Variants in CPSF1 observed in about 807,000 individuals in gnomAD.
The protein encoded by CPSF1 is cleavage and polyadenylation specificity factor subunit 1.
Under a neutral mutation model 175.8 loss-of-function variants are expected in CPSF1, and 106 were observed. The ratio of observed to expected loss-of-function variants is 0.60; its 90% CI spans 0.52 to 0.71. CPSF1 has a LOEUF of 0.71. CPSF1 is among the 30% of genes least tolerant of loss of function. The pLI is 0.00. For missense variants in CPSF1, 1,734 were observed against 2,022.9 expected (o/e 0.86, Z 2.74); for synonymous variants, 1,024 against 858.3 (o/e 1.19, Z -3.37).
chr8:144,409,296 T>C lies in CPSF1; in HGVS notation c.-22A>G. On this transcript the variant is annotated 5_prime_UTR_variant, in exon 1 of 38. Transcript: ENST00000616140. ...GCCCGCCCGGCCGCCCACCTGGCAGTTGGAGCCGACTCGAGAGGAACCGGG... is the reference window on the plus strand; with the variant it reads ...GCCCGCCCGGCCGCCCACCTGGCAGCTGGAGCCGACTCGAGAGGAACCGGG... 1 of 742,074 alleles carries C rather than the reference T, an allele frequency of 1.3e-6. No individual in the cohort carries two copies. 46.0% of individuals were successfully genotyped at this position (742,074 alleles called of 1,614,324 possible). A position where few individuals can be genotyped will look rare whatever the true frequency, so the allele number is the denominator to read the frequency against.
At chr8:144,400,127 G>A (rs2116870628) in intron 9 of CPSF1, 39 bp downstream of exon 9, 21 of 1,164,228 alleles carry the variant, frequency 1.8e-5, no homozygotes, top group Middle Eastern at 3.1e-4. Context: ...GGCCCAAGCC[G>A]TCCCCGGGCC....
At chr8:144,396,158 C>A in intron 26 of CPSF1, 190 bp downstream of exon 26, 1 of 640,170 alleles carries the variant, frequency 1.6e-6, no homozygotes, top group East Asian at 2.8e-5. Flanking sequence ...CAGCTCCCAA[C>A]CACCCCTTTC....
chr8:144,400,135 G>GGGGGGCCCCCCCCCCCCCCCCCCCC, intron 9 of CPSF1, 31 bp downstream of exon 9: 13 of 895,992 alleles, frequency 1.5e-5, no homozygotes, highest in East Asian at 2.9e-5. Context: ...CCGTCCCCGG[G>GGGGGGCCCCCCCCCCCCCCCCCCCC]CCCCCCCCGC....
Position 144,399,493 on chromosome 8 carries a change from G to A in CPSF1, c.1253C>T (p.Pro418Leu), listed in dbSNP as rs138429236. ...CGCATCCACTCGCTTCTTCTTTGAG[G>A]GAGGCTCTTCCTGTGAGGCAGGAGG... is the stretch of plus-strand genomic sequence containing the variant. ...VREAADKEEP[P>L]SKKKRVDATA... is the part of the protein sequence containing the mutation. Residue 418 changes from proline (P) to leucine (L), a missense_variant, in exon 13 of 38, where the codon CCC becomes CTC. Physicochemically the swap from Pro to Leu is moderately conservative, Grantham distance 98. Coordinates refer to ENST00000616140, the MANE Select transcript of CPSF1 (RefSeq NM_013291.3). This position sits in a 1 kb window ranked among gnomAD's most constrained non-coding sequence, Gnocchi z 6.4. 3.3e-5 allele frequency: 54 copies of A among 1,612,860 alleles called. No homozygotes were observed. The African/African-American group carries it at 6.5e-4, about 20-fold the overall frequency.
Position 144,395,020 on chromosome 8 carries a change from G to A in CPSF1, c.3276C>T (p.Ile1092=), listed in dbSNP as rs1461036073. 12 of 1,608,116 alleles carry A rather than the reference G, an allele frequency of 7.5e-6. No individual in the cohort carries two copies. The highest frequency in any genetic ancestry group is 4.0e-5 in the African/African-American group (3 of 74,860). Reference sequence around the variant, plus strand: ...TCACATGCTCCCACTCCTGCAGCTCGATCCTGTGGGGGCCAGGGGCCTCAG... The same window carrying A: ...TCACATGCTCCCACTCCTGCAGCTCAATCCTGTGGGGGCCAGGGGCCTCAG... ...VSWEAIPNAR[I]ELQEWEHVTC... The change falls in exon 30 of 38, where the codon ATC becomes ATT. Residue 1092 remains isoleucine, a synonymous_variant. Transcript: ENST00000616140.
At chr8:144,396,788 C>A (rs1554863967) in intron 24 of CPSF1, 47 bp from the exon 25 acceptor site, 2 of 1,612,924 alleles carry the variant, frequency 1.2e-6, no homozygotes, top group East Asian at 4.5e-5. Context: ...GGTCTGAAAC[C>A]CACACCTTGT....
In CPSF1 at chr8:144,400,843, A is replaced by AGAGGAGGG. The variant is rs2116878803; in HGVS notation, c.540-34_540-27dup. 1.2e-4 allele frequency: 188 copies of AGAGGAGGG among 1,611,752 alleles called. 4 individuals carry two copies. In the South Asian group the frequency reaches 1.9e-3, roughly 17 times the overall value. ...CTGGGGGGCCAGGGGCTTCAGCAGG[A>AGAGGAGGG]GAGGAGGGGAGGCGGGGAGGGGAGC... On this transcript the variant is annotated intron_variant, in intron 6 of 37. Transcript: ENST00000616140.
At position 144,402,225 on chromosome 8, in the gene CPSF1, G is replaced by A. The variant is rs1165977129; in HGVS notation, c.145-552C>T. 2.6e-5 allele frequency among the ~76,000 whole-genome samples: 4 copies of A among 152,242 alleles called. No individual in the cohort carries two copies. The East Asian group carries it at 7.7e-4, about 29-fold the overall frequency. On this transcript the variant is annotated intron_variant, in intron 2 of 37. Coordinates refer to ENST00000616140, the MANE Select transcript of CPSF1 (RefSeq NM_013291.3). ...GAGGCTGTGTGTTCTTTGCTACTAG[G>A]TAGCTAGTTTAACTAGCTAGCAGAT...
chr8:144,407,033 G>A (rs1554869288), intron 2 of CPSF1, among the ~76,000 whole-genome samples: 1 of 151,876 alleles, frequency 6.6e-6, no homozygotes, highest in Non-Finnish European at 1.5e-5. Context: ...TCCTGCCTCA[G>A]CCTCCTGAGT....
Position 144,393,605 on chromosome 8 carries a change from C to T in CPSF1, c.4146-15G>A. 3 of 1,599,426 alleles carry T rather than the reference C, an allele frequency of 1.9e-6. No homozygotes were observed. Among genetic ancestry groups the T allele is most frequent in the Non-Finnish European group, 2.5e-6 (3 of 1,176,776 alleles). On this transcript the variant is annotated splice_polypyrimidine_tract_variant and intron_variant, in intron 36 of 37. Transcript: ENST00000616140. ...CGTGCAGCATCCTGGGGCGTACAGG[C>T]ACAGGTGTCAGGGCAGGCTGGGGTG...
intron 33 of CPSF1, 29 bp from the exon 34 acceptor site, chr8:144,394,189 C>T (rs782233610): frequency 3.2e-5 from 51 of 1,612,290 alleles, no homozygotes; most frequent in South Asian, 1.6e-4. Flanking sequence ...GGGTCAGCCC[C>T]GGCCACCCCC....
In CPSF1 at chr8:144,397,994, C is replaced by T. The variant is rs1554864698; in HGVS notation, c.2033G>A (p.Arg678His). The change falls in exon 20 of 38, where the codon CGC (arginine) becomes CAC (histidine). Residue 678 changes from arginine (R) to histidine (H), a missense_variant. By Grantham distance (29) the Arg-to-His change is conservative. Transcript: ENST00000616140. ...CTTGTGCAGCGCCAGGCGGTGGTGG[C>T]GGCCACCGTAGGAGTCACTCTTCAG... ...FLLKSDSYGGRHHRLALHKPP... is the reference protein window; with the variant it reads ...FLLKSDSYGGHHHRLALHKPP... 1.3e-5 allele frequency: 21 copies of T among 1,610,744 alleles called. No individual in the cohort carries two copies. The highest frequency in any genetic ancestry group is 2.2e-5 in the South Asian group (2 of 90,926).
At position 144,393,766 on chromosome 8, in the gene CPSF1, A is replaced by G; in HGVS notation, c.4046T>C (p.Leu1349Pro). The G allele has an allele frequency of 6.3e-7, 1 of 1,593,886 alleles. No individual in the cohort carries two copies. Among genetic ancestry groups the G allele is most frequent in the Non-Finnish European group, 8.5e-7 (1 of 1,176,166 alleles). The change falls in exon 36 of 38, where the codon CTG (leucine) becomes CCG (proline). Residue 1349 changes from leucine to proline, a missense_variant. Leu to Pro is a moderately conservative substitution (Grantham distance 98, BLOSUM62 -3). This residue lies in a region of CPSF1 where 323 missense variants were observed against 338.5 expected (regional missense o/e 0.95). Transcript: ENST00000616140. ...CCGGTAGGTCTTCTCCTGCATGGGC[A>G]GCAGCAGCCCGATGCCGCCGTCCAG... ...ATLDGGIGLL[L>P]PMQEKTYRRL...
intron 2 of CPSF1, among the ~76,000 whole-genome samples, chr8:144,406,699 G>A (rs2116905938): frequency 1.3e-5 from 2 of 151,580 alleles, no homozygotes; most frequent in African/African-American, 2.4e-5. Context: ...TGAGCACCTC[G>A]GCCAACCTAC....
chr8:144,407,360 C>T (rs1564700058), intron 2 of CPSF1, among the ~76,000 whole-genome samples: 1 of 151,870 alleles, frequency 6.6e-6, no homozygotes, highest in African/African-American at 2.4e-5. Flanking sequence ...GGACTACACA[C>T]AGGCCACTAT....
intron 24 of CPSF1, 49 bp from the exon 25 acceptor site, chr8:144,396,790 A>G (rs1554863970): frequency 3.1e-6 from 5 of 1,613,102 alleles, no homozygotes; most frequent in Non-Finnish European, 4.2e-6. Context: ...TCTGAAACCC[A>G]CACCTTGTAC....
intron 26 of CPSF1, chr8:144,396,123 G>A (rs2130760150): frequency 1.7e-6 from 1 of 583,442 alleles, no homozygotes; most frequent in Non-Finnish European, 3.0e-6. Flanking sequence ...CAGAGCAGTG[G>A]TGGGGACCCC....
chr8:144,409,119 G>A lies in CPSF1; in HGVS notation c.40C>T (p.Leu14=), dbSNP rs2116913304. 2 of 1,613,424 alleles carry A rather than the reference G, an allele frequency of 1.2e-6. No individual in the cohort carries two copies. Among genetic ancestry groups the A allele is most frequent in the Admixed American group, 1.7e-5 (1 of 59,978 alleles). The change falls in exon 2 of 38, where the codon CTG becomes TTG. Residue 14 remains leucine (L), a synonymous_variant. Coordinates refer to ENST00000616140, the MANE Select transcript of CPSF1 (RefSeq NM_013291.3). ...AAGTTGCAGTACATGGAGAACTCCA[G>A]ACCGGTGGGCGGATGCGCCTGTTTG... is the stretch of plus-strand genomic sequence containing the variant. ...VYKQAHPPTG[L]EFSMYCNFFN...
rs1436800237 is a variant in CPSF1, at chr8:144,397,080, T to C, written c.2592+127A>G. ...GGGCGGGGCTGTGAGGGAGATGGGG[T>C]GGAGCCACGGGAAGGGGCGGGGCCG... On this transcript the variant is annotated intron_variant, in intron 23 of 37. Transcript: ENST00000616140. 3 of 571,732 alleles carry C rather than the reference T, an allele frequency of 5.2e-6. No homozygotes were observed. The African/African-American group carries it at 1.2e-4, about 23-fold the overall frequency. 35.4% of individuals were successfully genotyped at this position (571,732 alleles called of 1,614,324 possible). A position where few individuals can be genotyped will look rare whatever the true frequency, so the allele number is the denominator to read the frequency against.
Sources: allele counts gnomAD v4.1 joint callset (sites outside exome capture counted in the v4.1 genomes callset), GRCh38; gene constraint gnomAD v4.1.1; regional missense constraint gnomAD v4.1.1; non-coding constraint Gnocchi (gnomAD v3.1); transcripts MANE v1.5; gene names NCBI Gene and HGNC (gene_info 2026-07-23, HGNC 2026-07-21).